Variants in ZFHX3 observed in about 807,000 individuals in gnomAD.
ZFHX3 encodes zinc finger homeobox 3.
Under a neutral mutation model 279.1 loss-of-function variants are expected in ZFHX3, and 42 were observed. The observed-to-expected ratio is 0.15, with a 90% CI of 0.12 to 0.19. ZFHX3 has a LOEUF of 0.19. Ranked by LOEUF, ZFHX3 falls within the 10% of genes least tolerant of loss-of-function variation. ZFHX3 has a pLI of 1.00. For missense variants in ZFHX3, 4,981 were observed against 4,754.0 expected (o/e 1.05, Z -1.40); for synonymous variants, 2,293 against 1,957.8 (o/e 1.17, Z -4.52).
At chr16:73,166,628 T>C (rs1240049078) in intron 5 of ZFHX3, among the ~76,000 whole-genome samples, 1 of 152,144 alleles carries the variant, frequency 6.6e-6, no homozygotes, top group African/African-American at 2.4e-5. Flanking sequence ...CTTGTCAGGT[T>C]AATTTCCTGT....
intron 8 of ZFHX3, among the ~76,000 whole-genome samples, chr16:73,078,332 C>A (rs1965908669): frequency 6.6e-6 from 1 of 152,138 alleles, no homozygotes; most frequent in African/African-American, 2.4e-5. Flanking sequence ...TCTGTCAAGA[C>A]CAAGACGGGA....
chr16:73,091,428 T>C (rs1401913062), intron 8 of ZFHX3, among the ~76,000 whole-genome samples: 1 of 152,058 alleles, frequency 6.6e-6, no homozygotes, highest in Admixed American at 6.6e-5. Context: ...AATCCCTCTT[T>C]CTTGGATCAG....
intron 5 of ZFHX3, among the ~76,000 whole-genome samples, chr16:73,207,047 TAAATAA>T (rs1567418460): frequency 6.7e-6 from 1 of 149,534 alleles, no homozygotes; most frequent in Non-Finnish European, 1.5e-5. Context: ...AATAAATAAA[TAAATAA>T]ATAGAACTAA....
intron 8 of ZFHX3, among the ~76,000 whole-genome samples, chr16:73,085,577 G>C (rs1966001505): frequency 6.6e-6 from 1 of 152,152 alleles, no homozygotes; most frequent in Non-Finnish European, 1.5e-5. Context: ...AACATGCACT[G>C]GGCAAAGGAC....
At chr16:73,312,588 C>T (rs2015352040) in intron 4 of ZFHX3, among the ~76,000 whole-genome samples, 1 of 152,148 alleles carries the variant, frequency 6.6e-6, no homozygotes, top group Admixed American at 6.5e-5. Flanking sequence ...TGAGCAAATG[C>T]AGAGGGGTCA....
chr16:73,323,421 T>C (rs915485916), intron 3 of ZFHX3, among the ~76,000 whole-genome samples: 12 of 152,214 alleles, frequency 7.9e-5, no homozygotes, highest in Admixed American at 7.2e-4. Flanking sequence ...AAAAGTGGAT[T>C]TTCAAGAAGT....
intron 5 of ZFHX3, among the ~76,000 whole-genome samples, chr16:73,247,979 C>A (rs2013351007): frequency 6.9e-6 from 1 of 145,622 alleles, no homozygotes; most frequent in Non-Finnish European, 1.5e-5. Context: ...TGTCTATGTG[C>A]CTGTATGTGC....
chr16:73,439,909 C>T (rs1480154831), intron 3 of ZFHX3, among the ~76,000 whole-genome samples: 2 of 75,432 alleles, frequency 2.7e-5, no homozygotes, highest in Non-Finnish European at 4.4e-5. Flanking sequence ...GGGAGAGGGA[C>T]AAAAAAAAAA....
At position 73,288,783 on chromosome 16, in the gene ZFHX3, T is replaced by C. The variant is rs369663932; in HGVS notation, c.-1194+29457A>G. Among the ~76,000 whole-genome samples, 12 of 152,096 alleles carry C rather than the reference T, an allele frequency of 7.9e-5. No individual in the cohort carries two copies. In the South Asian group the frequency reaches 2.5e-3, roughly 32 times the overall value. On this transcript the variant is annotated intron_variant, in intron 4 of 17. Transcript: ENST00000641206. ...GCATTACGGGCACATGCAGTGCGTA[T>C]ATCTTCGGTAAATAACCGCCCGTTT...
chr16:73,725,469 C>T (rs893780317), intron 1 of ZFHX3, among the ~76,000 whole-genome samples: 3 of 151,970 alleles, frequency 2.0e-5, no homozygotes, highest in East Asian at 1.9e-4. Flanking sequence ...AGGGGCAAAG[C>T]GAGCAACTGA....
chr16:73,037,800 T>C (rs1004981739), intron 1 of ZFHX3, among the ~76,000 whole-genome samples: 3 of 151,400 alleles, frequency 2.0e-5, no homozygotes, highest in Non-Finnish European at 4.4e-5. Context: ...GACCCCCATG[T>C]CCCCCACCCA....
At chr16:73,161,400 G>A (rs886190323) in intron 5 of ZFHX3, among the ~76,000 whole-genome samples, 2 of 152,154 alleles carry the variant, frequency 1.3e-5, no homozygotes, top group East Asian at 1.9e-4. Context: ...GTCGCTCAAC[G>A]GTTATTGATC....
chr16:72,809,357 T>C (rs2036369809), intron 7 of ZFHX3: 1 of 152,156 alleles, frequency 6.6e-6, no homozygotes, highest in Non-Finnish European at 1.5e-5. Flanking sequence ...GCTCCCATGG[T>C]TCTAGGCCAT....
chr16:73,285,788 T>G (rs1373901026), intron 4 of ZFHX3, among the ~76,000 whole-genome samples: 1 of 152,208 alleles, frequency 6.6e-6, no homozygotes, highest in Non-Finnish European at 1.5e-5. Flanking sequence ...TATTGTAAAG[T>G]TGGCAGGTAG....
rs561355331 is a variant in ZFHX3, at chr16:72,797,546, C to G, written c.5136G>C (p.Arg1712=). 1 of 1,613,950 alleles carries G rather than the reference C, an allele frequency of 6.2e-7. No homozygotes were observed. Among genetic ancestry groups the G allele is most frequent in the African/African-American group, 1.3e-5 (1 of 74,896 alleles). ...ATGCAATCATATCTGCCAGTTTCTT[C>G]CGATTGGCCTCTTTGGGCTCTGAAG... ...ASPSEPKEAN[R]KKLADMIASR... is the part of the protein sequence containing the mutation. Residue 1712 remains arginine (R), a synonymous_variant, in exon 9 of 10, where the codon CGG becomes CGC. Transcript: ENST00000268489.
intron 1 of ZFHX3, among the ~76,000 whole-genome samples, chr16:72,992,648 A>C (rs116616119): frequency 0.014 from 2,079 of 152,308 alleles, 50 homozygotes; most frequent in African/African-American, 0.048. Flanking sequence ...GGTCTTAATT[A>C]AAGTGGCACC....
intron 2 of ZFHX3, among the ~76,000 whole-genome samples, chr16:73,458,618 C>T (rs1389496302): frequency 1.3e-5 from 2 of 152,066 alleles, no homozygotes; most frequent in Non-Finnish European, 2.9e-5. Context: ...TCGGCTTACA[C>T]CTGACTTTTG....
chr16:72,819,880 A>C (rs1208461358), intron 5 of ZFHX3, among the ~76,000 whole-genome samples: 1 of 152,238 alleles, frequency 6.6e-6, no homozygotes, highest in Non-Finnish European at 1.5e-5. Context: ...ATAAGGACAG[A>C]CTTCCTTGTT....
chr16:73,765,925 T>C (rs1462026934), intron 1 of ZFHX3, among the ~76,000 whole-genome samples: 1 of 152,174 alleles, frequency 6.6e-6, no homozygotes, highest in African/African-American at 2.4e-5. Context: ...CTGAGTTCTA[T>C]GGATAGTGAG....
Sources: gnomAD v4.1 joint callset for allele counts (sites outside exome capture counted in the v4.1 genomes callset) on GRCh38, gnomAD v4.1.1 for gene constraint, MANE v1.5 for transcripts, NCBI Gene and HGNC (gene_info 2026-07-23, HGNC 2026-07-21) for gene names.